CCDC178: variants seen among roughly 807,000 people sequenced by gnomAD.
The protein encoded by CCDC178 is coiled-coil domain-containing protein 178.
In CCDC178, 126 loss-of-function variants were observed where a neutral mutation model predicts 117.4. That is an observed-to-expected ratio of 1.07 (90% confidence interval 0.93 to 1.24). CCDC178 has a LOEUF of 1.24. Ranked by LOEUF, CCDC178 falls within the 50% of genes most tolerant of loss-of-function variation. The pLI is 0.00. For synonymous variants in CCDC178, 283 were observed against 313.4 expected (o/e 0.90, Z 1.02); for missense variants, 1,030 against 986.9 (o/e 1.04, Z -0.59).
intron 15 of CCDC178, among the ~76,000 whole-genome samples, chr18:33,235,367 A>G (rs2059415744): frequency 6.6e-6 from 1 of 151,936 alleles, no homozygotes; most frequent in Admixed American, 6.6e-5. Flanking sequence ...ATGTCTTACG[A>G]CTCTACCAAG....
intron 10 of CCDC178, among the ~76,000 whole-genome samples, chr18:33,326,421 A>C (rs889609504): frequency 6.6e-6 from 1 of 152,110 alleles, no homozygotes; most frequent in Non-Finnish European, 1.5e-5. Context: ...ACAGCCTCAA[A>C]ACTGGGTAAG....
chr18:33,434,821 GC>G (rs2064267266), intron 2 of CCDC178, among the ~76,000 whole-genome samples: 1 of 150,734 alleles, frequency 6.6e-6, no homozygotes, highest in Non-Finnish European at 1.5e-5. Context: ...ACTCTCATCT[GC>G]TACTTCAGAA....
At chr18:33,399,045 C>T (rs2063676342) in intron 3 of CCDC178, among the ~76,000 whole-genome samples, 1 of 152,000 alleles carries the variant, frequency 6.6e-6, no homozygotes, top group South Asian at 2.1e-4. Flanking sequence ...ACTAAAAATA[C>T]AAAAATTAGC....
chr18:33,319,311 G>A (rs1037233834), intron 11 of CCDC178, among the ~76,000 whole-genome samples: 4 of 151,868 alleles, frequency 2.6e-5, no homozygotes, highest in African/African-American at 9.7e-5. Context: ...TTCTCCTTGC[G>A]ATAGTTTGCG....
chr18:33,196,251 G>C (rs1371930955), intron 20 of CCDC178, among the ~76,000 whole-genome samples: 1 of 152,156 alleles, frequency 6.6e-6, no homozygotes, highest in Non-Finnish European at 1.5e-5. Flanking sequence ...ATGTGATTCA[G>C]CTCCAATAAA....
At chr18:32,938,266 C>T (rs2054164232) in intron 22 of CCDC178, 175 bp from the exon 23 acceptor site, 1 of 549,452 alleles carries the variant, frequency 1.8e-6, no homozygotes, top group African/African-American at 1.9e-5. Flanking sequence ...AGAGTGATTT[C>T]TCTATGATCT....
At position 33,267,047 on chromosome 18, in the gene CCDC178, T is replaced by A. The variant is rs757470056; in HGVS notation, c.1278A>T (p.Lys426Asn). The change falls in exon 14 of 23, where the codon AAA (lysine) becomes AAT (asparagine). Residue 426 changes from lysine (K) to asparagine (N), a missense_variant. Physicochemically the swap from Lys to Asn is moderately conservative, Grantham distance 94. Coordinates refer to ENST00000383096, the MANE Select transcript of CCDC178 (RefSeq NM_001105528.4). Reference sequence around the variant, plus strand: ...CATCAGAAAGCTCAATATCCCATGTTTTTTTCTTTAAGAAAAGAATAAAAG... The same window carrying A: ...CATCAGAAAGCTCAATATCCCATGTATTTTTCTTTAAGAAAAGAATAAAAG... ...EAVNDFYAAK[K>N]TWDIELSDVA... 1.3e-6 allele frequency: 2 copies of A among 1,580,504 alleles called. No individual in the cohort carries two copies. Among genetic ancestry groups the A allele is most frequent in the Non-Finnish European group, 8.5e-7 (1 of 1,170,602 alleles).
chr18:33,091,377 C>T (rs2057463133), intron 21 of CCDC178, among the ~76,000 whole-genome samples: 1 of 107,436 alleles, frequency 9.3e-6, no homozygotes, highest in African/African-American at 3.5e-5. Flanking sequence ...CACTCTGTTG[C>T]CCATGCTGGA....
At chr18:33,367,101 T>G (rs1390899516) in intron 6 of CCDC178, among the ~76,000 whole-genome samples, 1 of 152,054 alleles carries the variant, frequency 6.6e-6, no homozygotes, top group Non-Finnish European at 1.5e-5. Context: ...TTAAAAAATT[T>G]TCTCCATTTG....
intron 11 of CCDC178, among the ~76,000 whole-genome samples, chr18:33,318,351 G>T (rs976760311): frequency 3.3e-4 from 50 of 152,208 alleles, no homozygotes; most frequent in African/African-American, 1.2e-3. Flanking sequence ...CATGTCAGAT[G>T]CTGCTAACAA....
chr18:33,422,397 A>C (rs1481636358), intron 2 of CCDC178, among the ~76,000 whole-genome samples: 1 of 152,086 alleles, frequency 6.6e-6, no homozygotes, highest in Non-Finnish European at 1.5e-5. Flanking sequence ...ATTACATTAC[A>C]CTTTTATGAT....
intron 7 of CCDC178, among the ~76,000 whole-genome samples, chr18:33,349,243 G>C (rs1263599226): frequency 6.6e-6 from 1 of 151,786 alleles, no homozygotes; most frequent in Non-Finnish European, 1.5e-5. Context: ...AAAGAAATTG[G>C]TCATTCCTAG....
chr18:32,962,015 A>G (rs2054714649), intron 22 of CCDC178, among the ~76,000 whole-genome samples: 1 of 141,858 alleles, frequency 7.0e-6, no homozygotes, highest in Non-Finnish European at 1.5e-5. Context: ...TTTTAGGGTT[A>G]ATCAAACACT....
chr18:32,955,309 A>G (rs1299443925), intron 22 of CCDC178, among the ~76,000 whole-genome samples: 1 of 152,208 alleles, frequency 6.6e-6, no homozygotes, highest in Non-Finnish European at 1.5e-5. Flanking sequence ...ACCCATAGCT[A>G]AAGCCCAATT....
intron 2 of CCDC178, among the ~76,000 whole-genome samples, chr18:33,431,948 G>T (rs1264674613): frequency 6.6e-6 from 1 of 152,208 alleles, no homozygotes; most frequent in Non-Finnish European, 1.5e-5. Context: ...GGTGGTGATG[G>T]AAGAGGTCTG....
chr18:33,137,416 A>C (rs185080864), intron 20 of CCDC178, among the ~76,000 whole-genome samples: 1 of 152,284 alleles, frequency 6.6e-6, no homozygotes, highest in Non-Finnish European at 1.5e-5. Flanking sequence ...TAGTAATGTA[A>C]ATTTTTATTT....
intron 20 of CCDC178, among the ~76,000 whole-genome samples, chr18:33,200,228 G>A (rs2058976617): frequency 6.6e-6 from 1 of 152,144 alleles, no homozygotes; most frequent in Admixed American, 6.5e-5. Flanking sequence ...TCATTGCACT[G>A]GGGTAATGGG....
intron 20 of CCDC178, among the ~76,000 whole-genome samples, chr18:33,148,451 G>T (rs1490670007): frequency 6.6e-6 from 1 of 151,412 alleles, no homozygotes; most frequent in South Asian, 2.1e-4. Context: ...CGTGGGGAGA[G>T]GGAGAGGGAG....
At chr18:32,943,085 A>G (rs1376315798) in intron 22 of CCDC178, among the ~76,000 whole-genome samples, 1 of 152,202 alleles carries the variant, frequency 6.6e-6, no homozygotes, top group African/African-American at 2.4e-5. Context: ...TATTGGAAGG[A>G]GAATCATGAA....
Sources: allele counts gnomAD v4.1 joint callset (sites outside exome capture counted in the v4.1 genomes callset), GRCh38; gene constraint gnomAD v4.1.1; transcripts MANE v1.5; gene names NCBI Gene and HGNC (gene_info 2026-07-23, HGNC 2026-07-21).